Variants in FHIP1A observed in about 807,000 individuals in gnomAD.
FHIP1A encodes the protein FHF complex subunit HOOK interacting protein 1A.
A neutral mutation model predicts 88.6 loss-of-function variants in FHIP1A; 61 were observed. The ratio of observed to expected loss-of-function variants is 0.69; its 90% confidence interval spans 0.56 to 0.85. The LOEUF is 0.85. Among genes scored for constraint, FHIP1A ranks in the 40% least tolerant of loss-of-function variants. FHIP1A has a pLI of 0.00. For missense variants in FHIP1A, 1,154 were observed against 1,273.5 expected, an observed-to-expected ratio of 0.91 and a Z score of 1.43; for synonymous variants, 478 against 496.0, an observed-to-expected ratio of 0.96 and a Z score of 0.48.
intron 3 of FHIP1A, among the ~76,000 whole-genome samples, chr4:151,534,493 T>A (rs1731994558): frequency 6.6e-6 from 1 of 152,232 alleles, no homozygotes; most frequent in African/African-American, 2.4e-5. Flanking sequence ...AGATGTCAGA[T>A]ATGAATCCAC....
intron 2 of FHIP1A, among the ~76,000 whole-genome samples, chr4:151,479,857 A>G (rs1729834366): frequency 1.3e-5 from 2 of 152,094 alleles, no homozygotes; most frequent in African/African-American, 4.8e-5. Context: ...AATTTATGCC[A>G]TCTGGAAATG....
chr4:151,474,321 A>G (rs1000011589), intron 2 of FHIP1A, among the ~76,000 whole-genome samples: 1 of 152,194 alleles, frequency 6.6e-6, no homozygotes, highest in Non-Finnish European at 1.5e-5. Flanking sequence ...ATCTTTGCTC[A>G]TTATGCTTTA....
rs1737637760 is a variant in FHIP1A at position 151,665,711 on chromosome 4, G to C, written c.*2957G>C. Among the ~76,000 whole-genome samples the C allele has an allele frequency of 6.6e-6, 1 of 152,154 alleles. No individual in the cohort carries two copies. Among genetic ancestry groups the C allele is most frequent in the African/African-American group, 2.4e-5 (1 of 41,432 alleles). ...GGTGAGAATGGGAACTCCTTGTCAGGAAAAAAATCATTGGCAATGAAGTAG... is the reference window on the plus strand; with the variant it reads ...GGTGAGAATGGGAACTCCTTGTCAGCAAAAAAATCATTGGCAATGAAGTAG... On this transcript the variant is annotated 3_prime_UTR_variant, in exon 14 of 14. Coordinates refer to ENST00000435205, the MANE Select transcript of FHIP1A (RefSeq NM_001109977.3).
intron 1 of FHIP1A, among the ~76,000 whole-genome samples, chr4:151,439,928 C>G (rs1728344518): frequency 1.3e-5 from 2 of 152,206 alleles, no homozygotes; most frequent in South Asian, 4.1e-4. Flanking sequence ...CGTTTATTGT[C>G]TCTATCTCCA....
chr4:151,444,500 T>A (rs1295835142), intron 1 of FHIP1A, among the ~76,000 whole-genome samples: 1 of 152,156 alleles, frequency 6.6e-6, no homozygotes, highest in Non-Finnish European at 1.5e-5. Flanking sequence ...TGTCCTCCCT[T>A]CATTGTATCC....
chr4:151,416,023 T>G (rs1031487386), intron 1 of FHIP1A, among the ~76,000 whole-genome samples: 1 of 152,232 alleles, frequency 6.6e-6, no homozygotes, highest in East Asian at 1.9e-4. Flanking sequence ...CACTAGGTTT[T>G]GCAGAATGCA....
At chr4:151,418,392 C>T (rs887904676) in intron 1 of FHIP1A, among the ~76,000 whole-genome samples, 14 of 152,254 alleles carry the variant, frequency 9.2e-5, no homozygotes, top group African/African-American at 3.4e-4. Flanking sequence ...TTGAAAAGTA[C>T]ACCCTGGAGT....
In FHIP1A at chr4:151,650,991, G is replaced by A. The variant is rs1326628051; in HGVS notation, c.2551+399G>A. On this transcript the variant is annotated intron_variant, in intron 11 of 13. Coordinates refer to ENST00000435205, the MANE Select transcript of FHIP1A (RefSeq NM_001109977.3). ...GACTGTCTCCCCCAGTAGAATGTAT[G>A]CTCTGTGAGGGTGGAGCTCTTTCCC... is the stretch of plus-strand genomic sequence containing the variant. Among the ~76,000 whole-genome samples, 6 of 152,226 alleles carry A rather than the reference G, an allele frequency of 3.9e-5. No homozygotes were observed. The East Asian group carries it at 1.2e-3, about 29-fold the overall frequency.
chr4:151,477,310 G>A lies in FHIP1A; in HGVS notation c.-247-5214G>A, dbSNP rs1729743505. ...AGTTCCATAACTGAGGGATAACCAG[G>A]TAGCTGTCTGGCGGAAAAGGTACTA... On this transcript the variant is annotated intron_variant, in intron 2 of 13. Coordinates refer to ENST00000435205, the MANE Select transcript of FHIP1A (RefSeq NM_001109977.3). Among the ~76,000 whole-genome samples the A allele has an allele frequency of 2.0e-5, 3 of 152,136 alleles. No homozygotes were observed. In the South Asian group the frequency reaches 6.2e-4, roughly 32 times the overall value.
Position 151,632,909 on chromosome 4 carries a change from C to T in FHIP1A, c.1146+3040C>T, listed in dbSNP as rs139100194. Among the ~76,000 whole-genome samples the T allele has an allele frequency of 9.8e-4, 149 of 151,894 alleles. No individual in the cohort carries two copies. In the East Asian group the frequency reaches 0.02, roughly 20 times the overall value. On this transcript the variant is annotated intron_variant, in intron 8 of 13. Coordinates refer to ENST00000435205, the MANE Select transcript of FHIP1A (RefSeq NM_001109977.3). ...AAGCAACAACCTAACTATACATCTT[C>T]AGGAACTAGACAAAGAAGAATGAAC...
intron 1 of FHIP1A, among the ~76,000 whole-genome samples, chr4:151,447,981 T>C (rs1032570366): frequency 6.6e-6 from 1 of 152,214 alleles, no homozygotes; most frequent in African/African-American, 2.4e-5. Flanking sequence ...CAATCTCAGC[T>C]CACTGCAACC....
intron 8 of FHIP1A, among the ~76,000 whole-genome samples, chr4:151,632,590 A>G (rs2126881833): frequency 6.6e-6 from 1 of 152,252 alleles, no homozygotes; most frequent in South Asian, 2.1e-4. Context: ...TTAGGTCACA[A>G]AACAAAGTTT....
intron 3 of FHIP1A, among the ~76,000 whole-genome samples, chr4:151,557,249 T>A (rs1310436576): frequency 1.3e-5 from 2 of 152,204 alleles, no homozygotes; most frequent in African/African-American, 4.8e-5. Context: ...AGAAGTCAAT[T>A]AACTCCAAAG....
At chr4:151,485,596 T>G (rs1486165590) in intron 3 of FHIP1A, among the ~76,000 whole-genome samples, 1 of 151,256 alleles carries the variant, frequency 6.6e-6, no homozygotes, top group Non-Finnish European at 1.5e-5. Context: ...TCAGAGTTTT[T>G]TTTTTTTTTT....
intron 3 of FHIP1A, among the ~76,000 whole-genome samples, chr4:151,500,283 A>G (rs1425204240): frequency 6.6e-6 from 1 of 152,170 alleles, no homozygotes. Context: ...CTAGGCCTCA[A>G]AAAGACCATT....
chr4:151,630,644 A>G lies in FHIP1A; in HGVS notation c.1146+775A>G, dbSNP rs1736121340. ...AAAAAGTGGAAAAATCTTTTAAAGG[A>G]ATTAAAATGTTATACTAGAGAAAAT... On this transcript the variant is annotated intron_variant, in intron 8 of 13. Transcript: ENST00000435205. Among the ~76,000 whole-genome samples, 3 of 152,210 alleles carry G rather than the reference A, an allele frequency of 2.0e-5. No homozygotes were observed. In the South Asian group the frequency reaches 6.2e-4, roughly 32 times the overall value.
chr4:151,575,894 AACATGTAACAGC>A (rs1194383053), intron 4 of FHIP1A, among the ~76,000 whole-genome samples: 7 of 152,192 alleles, frequency 4.6e-5, no homozygotes, highest in Non-Finnish European at 7.3e-5. Flanking sequence ...ACTTGCACAG[AACATGTAACAGC>A]ACATCATAGG....
chr4:151,477,628 T>A (rs1202571541), intron 2 of FHIP1A, among the ~76,000 whole-genome samples: 1 of 151,878 alleles, frequency 6.6e-6, no homozygotes, highest in Admixed American at 6.6e-5. Context: ...AATAAAAAGC[T>A]CCTAAAATCC....
At chr4:151,604,902 G>A (rs772542370) in intron 7 of FHIP1A, among the ~76,000 whole-genome samples, 19 of 151,782 alleles carry the variant, frequency 1.3e-4, no homozygotes, top group Non-Finnish European at 2.8e-4. Context: ...AGTTTTTGTT[G>A]GGTTCTGTGT....
Sources: allele counts gnomAD v4.1 joint callset (sites outside exome capture counted in the v4.1 genomes callset), GRCh38; gene constraint gnomAD v4.1.1; transcripts MANE v1.5; gene names NCBI Gene and HGNC (gene_info 2026-07-23, HGNC 2026-07-21).